The following MYO7A variants were observed in gnomAD, a reference collection of about 807,000 sequenced individuals.
MYO7A encodes myosin VIIA.
Under a neutral mutation model 263.8 loss-of-function variants are expected in MYO7A, and 210 were observed. That is an observed-to-expected ratio of 0.80 (90% CI 0.71 to 0.89). MYO7A has a LOEUF of 0.89. Among genes scored for constraint, MYO7A ranks in the 40% least tolerant of loss-of-function variants. The probability of loss-of-function intolerance (pLI) is 0.00; values close to 1 mark genes in which losing one functional copy is unlikely to be tolerated. For missense variants in MYO7A, 2,820 were observed against 2,968.3 expected (o/e 0.95, Z 1.16); for synonymous variants, 1,239 against 1,197.3 (o/e 1.03, Z -0.72).
chr11:77,194,921 C>A (rs567894386), intron 32 of MYO7A, among the ~76,000 whole-genome samples: 1 of 152,126 alleles, frequency 6.6e-6, no homozygotes, highest in Non-Finnish European at 1.5e-5. Context: ...GACAGGCCCC[C>A]TTGACCCTCT....
intron 3 of MYO7A, among the ~76,000 whole-genome samples, chr11:77,144,042 G>T (rs961986511): frequency 2.0e-5 from 3 of 152,196 alleles, no homozygotes; most frequent in African/African-American, 7.2e-5. Context: ...GAGGCACATA[G>T]AGGGACCACA....
In MYO7A at chr11:77,159,499, GGCCACAGCTGCATCCCT is replaced by G. The variant is rs2135270511; in HGVS notation, c.1059_1075del (p.Thr354Ter). On this transcript the variant is annotated frameshift_variant, in exon 10 of 49. Coordinates refer to ENST00000409709, the MANE Select transcript of MYO7A (RefSeq NM_000260.4). LOFTEE classifies it high-confidence loss of function. ...GTGAGGTTCTCTTCTCCCCATCGCT[GGCCACAGCTGCATCCCT>G]GCTTGAGGTCAGTGCCTGGCCTCTC... 1 of 1,611,742 alleles carries G rather than the reference GGCCACAGCTGCATCCCT, an allele frequency of 6.2e-7. No homozygotes were observed. The highest frequency in any genetic ancestry group is 8.5e-7 in the Non-Finnish European group (1 of 1,179,622).
At chr11:77,213,747 C>T (rs986242216) in intron 47 of MYO7A, 113 bp from the exon 48 acceptor site, 1 of 1,485,704 alleles carries the variant, frequency 6.7e-7, no homozygotes, top group South Asian at 1.2e-5. Context: ...GCTGGCTTTT[C>T]CCTCCGGCCA....
chr11:77,210,600 A>G (rs1367020455), intron 44 of MYO7A, among the ~76,000 whole-genome samples: 1 of 152,182 alleles, frequency 6.6e-6, no homozygotes. Context: ...ATAAGGCTCT[A>G]GGAGTCTGTG....
Position 77,179,033 on chromosome 11 carries a change from C to T in MYO7A, c.2283-12C>T, listed in dbSNP as rs1555082025. On this transcript the variant is annotated splice_polypyrimidine_tract_variant and intron_variant, in intron 19 of 48. Coordinates refer to ENST00000409709, the MANE Select transcript of MYO7A (RefSeq NM_000260.4). ...TGGACACTGCTCACCCGCGCCACTA[C>T]TGCTGTTTCAGGTCTAACTTTCTGA... is the stretch of plus-strand genomic sequence containing the variant. 1 of 1,595,620 alleles carries T rather than the reference C, an allele frequency of 6.3e-7. No individual in the cohort carries two copies.
intron 30 of MYO7A, among the ~76,000 whole-genome samples, chr11:77,191,599 CAG>C (rs1266247903): frequency 6.6e-6 from 1 of 152,222 alleles, no homozygotes; most frequent in Non-Finnish European, 1.5e-5. Flanking sequence ...GGGCGTCCCG[CAG>C]ACTCACCTCG....
intron 31 of MYO7A, chr11:77,194,153 G>T: frequency 1.4e-6 from 1 of 720,168 alleles, no homozygotes; most frequent in Non-Finnish European, 2.5e-6. Context: ...TGAGGGTGTG[G>T]CCCTGCCCTT....
Position 77,155,918 on chromosome 11 carries a change from C to T in MYO7A, c.297C>T (p.Gly99=), listed in dbSNP as rs1555061427. 4.4e-6 allele frequency: 7 copies of T among 1,604,394 alleles called. No homozygotes were observed. In the South Asian group the frequency reaches 7.8e-5, roughly 18 times the overall value. The change falls in exon 5 of 49, where the codon GGC becomes GGT. Residue 99 remains glycine (G), a synonymous_variant. Transcript: ENST00000409709. ...CTTGCTGCCCGCAGACGTATACGGG[C>T]TCCATCCTGGTGGCTGTGAACCCCT... ...YRDHLIYTYT[G]SILVAVNPYQ...
intron 2 of MYO7A, among the ~76,000 whole-genome samples, chr11:77,131,516 C>T (rs1455019780): frequency 6.6e-6 from 1 of 152,216 alleles, no homozygotes; most frequent in Non-Finnish European, 1.5e-5. Context: ...CTTTAGAGCC[C>T]CTTGGCCTGA....
Position 77,182,170 on chromosome 11 carries a change from C to T in MYO7A, c.3108+16C>T, listed in dbSNP as rs782290637. ...TGACCAGCTGGTAAGGCCTGCCTGT[C>T]ACTAGGTCACTGCTGGGTGGGGCCA... On this transcript the variant is annotated intron_variant, in intron 24 of 48. Coordinates refer to ENST00000409709, the MANE Select transcript of MYO7A (RefSeq NM_000260.4). The T allele has an allele frequency of 7.4e-6, 12 of 1,612,556 alleles. No homozygotes were observed. The highest frequency in any genetic ancestry group is 6.7e-5 in the Admixed American group (4 of 60,004).
rs1956517313 is a variant in MYO7A at position 77,194,855 on chromosome 11, T to C, written c.4323+331T>C. Among the ~76,000 whole-genome samples, 3 of 152,128 alleles carry C rather than the reference T, an allele frequency of 2.0e-5. No individual in the cohort carries two copies. In the South Asian group the frequency reaches 6.2e-4, roughly 32 times the overall value. On this transcript the variant is annotated intron_variant, in intron 32 of 48. Transcript: ENST00000409709. ...ATGCTAGACAGAGCTTTAGGAATTG[T>C]ACCTCCTTTTTCCTAAAAGAACTCC...
intron 31 of MYO7A, among the ~76,000 whole-genome samples, chr11:77,193,579 G>GTGAT (rs1956404138): frequency 6.6e-6 from 1 of 152,070 alleles, no homozygotes; most frequent in Non-Finnish European, 1.5e-5. Context: ...GGTGATAGTG[G>GTGAT]TGATGATAAT....
chr11:77,181,669 T>C, intron 23 of MYO7A, 80 bp downstream of exon 23: 1 of 1,378,928 alleles, frequency 7.3e-7, no homozygotes, highest in East Asian at 2.4e-5. Context: ...GCCCTTGGCC[T>C]TAAAGCCCAC....
chr11:77,199,643 C>T lies in MYO7A; in HGVS notation c.4677C>T (p.Ser1559=). The T allele has an allele frequency of 1.9e-6, 3 of 1,611,986 alleles. No individual in the cohort carries two copies. The highest frequency in any genetic ancestry group is 1.1e-5 in the South Asian group (1 of 90,616). ...TPAGPCSPCW[S]CRGAKTTAPS... ...CGGGGCCCTGTTCTCCGTGTTGGTC[C>T]TGCAGGGGAGCGAAAACGACGGCCC... is the stretch of plus-strand genomic sequence containing the variant. The change falls in exon 35 of 49, where the codon TCC becomes TCT. Residue 1559 remains serine, a synonymous_variant. Transcript: ENST00000409709.
intron 4 of MYO7A, among the ~76,000 whole-genome samples, chr11:77,153,781 G>T (rs782808095): frequency 6.6e-6 from 1 of 152,094 alleles, no homozygotes; most frequent in Non-Finnish European, 1.5e-5. Flanking sequence ...CAGCGGCTGG[G>T]CCCCCTGGCT....
chr11:77,147,192 G>C (rs1555054104), intron 3 of MYO7A, among the ~76,000 whole-genome samples: 1 of 151,948 alleles, frequency 6.6e-6, no homozygotes, highest in African/African-American at 2.4e-5. Flanking sequence ...GAGTTGTTTT[G>C]CTGTTCCCTG....
At chr11:77,202,516 G>GCC in intron 37 of MYO7A, 92 bp downstream of exon 37, 1 of 1,472,086 alleles carries the variant, frequency 6.8e-7, no homozygotes, top group Non-Finnish European at 9.1e-7. Flanking sequence ...GCTTTGTGAA[G>GCC]CCCCCACCTG....
intron 2 of MYO7A, among the ~76,000 whole-genome samples, chr11:77,137,912 C>A (rs1175793938): frequency 6.6e-6 from 1 of 152,220 alleles, no homozygotes; most frequent in Non-Finnish European, 1.5e-5. Context: ...ATGCATCTCT[C>A]CTTTAGTCTT....
intron 4 of MYO7A, 39 bp from the exon 5 acceptor site, chr11:77,155,868 C>T (rs782024957): frequency 6.6e-7 from 1 of 1,525,038 alleles, no homozygotes; most frequent in Non-Finnish European, 8.8e-7. Flanking sequence ...GAGTCTCCCA[C>T]ATGGAATCAG....
Sources: gnomAD v4.1 joint callset for allele counts (sites outside exome capture counted in the v4.1 genomes callset) on GRCh38, gnomAD v4.1.1 for gene constraint, MANE v1.5 for transcripts, NCBI Gene and HGNC (gene_info 2026-07-23, HGNC 2026-07-21) for gene names.